The following CCDC170 variants were observed in gnomAD, a reference collection of about 807,000 sequenced individuals.
CCDC170 encodes coiled-coil domain containing 170, also known as coiled-coil domain-containing protein 170.
A neutral mutation model predicts 72.6 loss-of-function variants in CCDC170; 69 were observed. The ratio of observed to expected loss-of-function variants is 0.95; its 90% CI spans 0.78 to 1.16. The LOEUF (loss-of-function observed/expected upper bound fraction) is 1.16. CCDC170 is among the 50% of genes most tolerant of loss of function. CCDC170 has a pLI of 0.00. For synonymous variants in CCDC170, 300 were observed against 303.9 expected (o/e 0.99, Z 0.13); for missense variants, 852 against 832.5 (o/e 1.02, Z -0.29).
intron 9 of CCDC170, among the ~76,000 whole-genome samples, chr6:151,610,085 A>T (rs1255369734): frequency 1.3e-5 from 2 of 152,350 alleles, no homozygotes; most frequent in Non-Finnish European, 2.9e-5. Flanking sequence ...ACCATTTGCC[A>T]CATATTTTCT....
At chr6:151,570,376 C>T (rs906619313) in intron 5 of CCDC170, among the ~76,000 whole-genome samples, 3 of 152,076 alleles carry the variant, frequency 2.0e-5, no homozygotes, top group African/African-American at 7.2e-5. Flanking sequence ...TCCACAAGTT[C>T]CACATCTGTG....
rs529484887 is a variant in CCDC170, at chr6:151,596,020, T to C, written c.1468-315T>C. Among the ~76,000 whole-genome samples the C allele has an allele frequency of 3.9e-5, 6 of 152,302 alleles. No individual in the cohort carries two copies. The South Asian group carries it at 1.0e-3, about 26-fold the overall frequency. On this transcript the variant is annotated intron_variant, in intron 8 of 10. Coordinates refer to ENST00000239374, the MANE Select transcript of CCDC170 (RefSeq NM_025059.4). ...CTTATTACATTCTGCTCTGATAAAC[T>C]CATCTGAGGAGTTTTTTAAAAGTAA...
At chr6:151,541,323 C>T (rs903470924) in intron 3 of CCDC170, among the ~76,000 whole-genome samples, 1 of 152,118 alleles carries the variant, frequency 6.6e-6, no homozygotes, top group Non-Finnish European at 1.5e-5. Context: ...ATACATTTTA[C>T]ACATATTAAT....
At position 151,604,211 on chromosome 6, in the gene CCDC170, C is replaced by T. The variant is rs192155104; in HGVS notation, c.1710+7634C>T. ...CACAAGACAGCCTCTCCCCACATTC[C>T]TTCCCCACTCCAGAACTTTCTCCAA... On this transcript the variant is annotated intron_variant, in intron 9 of 10. Coordinates refer to ENST00000239374, the MANE Select transcript of CCDC170 (RefSeq NM_025059.4). Among the ~76,000 whole-genome samples the T allele has an allele frequency of 3.3e-5, 5 of 152,304 alleles. No individual in the cohort carries two copies. The East Asian group carries it at 9.7e-4, about 29-fold the overall frequency.
intron 6 of CCDC170, among the ~76,000 whole-genome samples, chr6:151,579,509 T>TCACA (rs1776352382): frequency 6.6e-6 from 1 of 152,190 alleles, no homozygotes; most frequent in African/African-American, 2.4e-5. Flanking sequence ...AGGTATCCCC[T>TCACA]GCAAATTTCA....
Position 151,575,649 on chromosome 6 carries a change from C to T in CCDC170, c.1092+2158C>T, listed in dbSNP as rs2115092876. Among the ~76,000 whole-genome samples the T allele has an allele frequency of 1.3e-5, 2 of 148,202 alleles. 1 individual carries two copies. The highest frequency in any genetic ancestry group is 4.4e-4 in the South Asian group (2 of 4,506). On this transcript the variant is annotated intron_variant, in intron 6 of 10. Coordinates refer to ENST00000239374, the MANE Select transcript of CCDC170 (RefSeq NM_025059.4). The stretch of plus-strand genomic sequence containing the variant: ...GGTTCAAGCAATACTCCTGCCTCAG[C>T]CTACCGAGTAGCTGGGACTACAGGC...
At chr6:151,533,261 A>C (rs1164042129) in intron 1 of CCDC170, among the ~76,000 whole-genome samples, 5 of 151,072 alleles carry the variant, frequency 3.3e-5, no homozygotes, top group Non-Finnish European at 5.9e-5. Context: ...TCACCATGTT[A>C]GCCAGGATGG....
At chr6:151,586,379 A>T in intron 7 of CCDC170, among the ~76,000 whole-genome samples, 1 of 152,208 alleles carries the variant, frequency 6.6e-6, no homozygotes, top group Admixed American at 6.5e-5. Context: ...TCAATAGGGG[A>T]GACAGATACT....
chr6:151,518,977 G>A (rs1782275259), intron 1 of CCDC170, among the ~76,000 whole-genome samples: 3 of 152,162 alleles, frequency 2.0e-5, no homozygotes, highest in Non-Finnish European at 2.9e-5. Flanking sequence ...AAGGCAAAGG[G>A]CGAAATCAAA....
intron 3 of CCDC170, among the ~76,000 whole-genome samples, chr6:151,540,973 C>T (rs1483366574): frequency 6.6e-6 from 1 of 152,166 alleles, no homozygotes; most frequent in Non-Finnish European, 1.5e-5. Flanking sequence ...AGGGTAAAGA[C>T]AGTGTTTTCT....
At chr6:151,540,609 A>G (rs1202810278) in intron 3 of CCDC170, among the ~76,000 whole-genome samples, 1 of 150,298 alleles carries the variant, frequency 6.7e-6, no homozygotes, top group East Asian at 2.0e-4. Flanking sequence ...GTGGTCTCAG[A>G]CTCCTGGCTT....
chr6:151,533,298 C>T (rs1182138556), intron 1 of CCDC170, among the ~76,000 whole-genome samples: 4 of 151,678 alleles, frequency 2.6e-5, no homozygotes, highest in Non-Finnish European at 5.9e-5. Flanking sequence ...TTGTGATCTG[C>T]CCGCCTTGGC....
chr6:151,514,557 C>T (rs1454724956), intron 1 of CCDC170, among the ~76,000 whole-genome samples: 4 of 151,938 alleles, frequency 2.6e-5, no homozygotes, highest in Admixed American at 6.6e-5. Flanking sequence ...TGTGGCATGC[C>T]GAGACACATT....
At chr6:151,545,215 T>C (rs975470196) in intron 4 of CCDC170, among the ~76,000 whole-genome samples, 1 of 151,408 alleles carries the variant, frequency 6.6e-6, no homozygotes, top group African/African-American at 2.4e-5. Flanking sequence ...AGGTCAGGGG[T>C]TTGAGACCAG....
intron 1 of CCDC170, among the ~76,000 whole-genome samples, chr6:151,524,782 G>A (rs1279771199): frequency 6.6e-6 from 1 of 152,050 alleles, no homozygotes; most frequent in Non-Finnish European, 1.5e-5. Context: ...TACACATTGT[G>A]CCTATACACA....
chr6:151,495,854 T>C (rs1160686609), intron 1 of CCDC170, among the ~76,000 whole-genome samples: 1 of 152,170 alleles, frequency 6.6e-6, no homozygotes, highest in Non-Finnish European at 1.5e-5. Flanking sequence ...ATAAGGGCAT[T>C]CTCTAACGAA....
At chr6:151,611,275 GA>G (rs34476930) in intron 9 of CCDC170, among the ~76,000 whole-genome samples, 137,126 of 149,550 alleles carry the variant, frequency 0.92, 63,017 homozygotes, top group East Asian at 0.98. Context: ...AACCCCATCT[GA>G]AAAAAAAAAA....
At chr6:151,589,277 A>AACAC (rs1776499091) in intron 7 of CCDC170, among the ~76,000 whole-genome samples, 1 of 152,004 alleles carries the variant, frequency 6.6e-6, no homozygotes, top group Admixed American at 6.6e-5. Context: ...CAAACAAACA[A>AACAC]ACACAATAAA....
chr6:151,595,836 T>C (rs761175445), intron 8 of CCDC170, among the ~76,000 whole-genome samples: 1 of 151,944 alleles, frequency 6.6e-6, no homozygotes, highest in Non-Finnish European at 1.5e-5. Context: ...AAAGTTGATA[T>C]ATATCCACTC....
Sources: allele counts gnomAD v4.1 joint callset (sites outside exome capture counted in the v4.1 genomes callset), GRCh38; gene constraint gnomAD v4.1.1; transcripts MANE v1.5; gene names NCBI Gene and HGNC (gene_info 2026-07-23, HGNC 2026-07-21).